Variants in MYO5A observed in about 807,000 individuals in gnomAD.
MYO5A encodes myosin VA, also known as unconventional myosin-Va.
Under a neutral mutation model 249.7 loss-of-function variants are expected in MYO5A, and 98 were observed. That is an observed-to-expected ratio of 0.39 (90% CI 0.33 to 0.46). MYO5A has a LOEUF of 0.46. Ranked by LOEUF, MYO5A falls within the 20% of genes least tolerant of loss-of-function variation. MYO5A has a pLI of 0.98. For missense variants in MYO5A, 1,696 were observed against 2,308.8 expected (o/e 0.73, Z 5.44); for synonymous variants, 778 against 810.6 (o/e 0.96, Z 0.68).
At chr15:52,372,464 A>G (rs1052962997) in intron 20 of MYO5A, 101 bp from the exon 21 acceptor site, 1 of 1,474,268 alleles carries the variant, frequency 6.8e-7, no homozygotes. Context: ...CTAGAGGAAA[A>G]GACATAAAAG....
chr15:52,474,802 T>C (rs2076555345), intron 1 of MYO5A, among the ~76,000 whole-genome samples: 1 of 152,254 alleles, frequency 6.6e-6, no homozygotes, highest in African/African-American at 2.4e-5. Context: ...AGTATTTTAT[T>C]GAGGATTTTT....
chr15:52,490,557 T>C (rs775287317), intron 1 of MYO5A, among the ~76,000 whole-genome samples: 1 of 152,210 alleles, frequency 6.6e-6, no homozygotes, highest in Non-Finnish European at 1.5e-5. Flanking sequence ...ATTCCACTTA[T>C]ATAGGGTACC....
chr15:52,362,248 C>A (rs1202586090), intron 24 of MYO5A, among the ~76,000 whole-genome samples: 2 of 152,172 alleles, frequency 1.3e-5, no homozygotes, highest in Non-Finnish European at 2.9e-5. Flanking sequence ...AAGTCCCCTC[C>A]CTAGAGTTTC....
intron 28 of MYO5A, among the ~76,000 whole-genome samples, chr15:52,349,090 T>G (rs561740628): frequency 6.6e-5 from 10 of 152,336 alleles, no homozygotes; most frequent in African/African-American, 2.4e-4. Context: ...TGTTTTGATT[T>G]TTCTGGTTAT....
rs750173276 is a variant in MYO5A, at chr15:52,321,417, G to A, written c.4893C>T (p.Ala1631=). ...AEYRQVLSDL[A]IQIYQQLVRV... ...GCACGAGCTGCTGGTAGATCTGAAT[G>A]GCCAAGTCACTCAGCACCTGCCGAT... Residue 1631 remains alanine (A), a synonymous_variant, in exon 38 of 42, where the codon GCC becomes GCT. Coordinates refer to ENST00000399233, the MANE Select transcript of MYO5A (RefSeq NM_001382347.1). 1.2e-5 allele frequency: 19 copies of A among 1,614,204 alleles called. No individual in the cohort carries two copies. Among genetic ancestry groups the A allele is most frequent in the South Asian group, 8.8e-5 (8 of 91,084 alleles).
chr15:52,423,977 C>A (rs1445965078), intron 4 of MYO5A, among the ~76,000 whole-genome samples: 1 of 152,216 alleles, frequency 6.6e-6, no homozygotes, highest in Non-Finnish European at 1.5e-5. Flanking sequence ...TCATATAATT[C>A]TCTGAGCACT....
At chr15:52,416,096 T>C (rs1275556570) in intron 5 of MYO5A, 49 bp downstream of exon 5, 2 of 1,606,958 alleles carry the variant, frequency 1.2e-6, no homozygotes, top group Non-Finnish European at 1.7e-6. Flanking sequence ...TTTGAGCATG[T>C]TTCTTATCAA....
intron 11 of MYO5A, among the ~76,000 whole-genome samples, chr15:52,393,384 G>GT (rs141856642): frequency 8.5e-4 from 125 of 146,646 alleles, no homozygotes; most frequent in Admixed American, 3.3e-3. Context: ...CATTTGCAGT[G>GT]TTTTTTTTTT....
intron 1 of MYO5A, among the ~76,000 whole-genome samples, chr15:52,472,238 C>T (rs1436402262): frequency 6.6e-6 from 1 of 152,010 alleles, no homozygotes; most frequent in Non-Finnish European, 1.5e-5. Flanking sequence ...GCCACCACGC[C>T]CGGCTAATTT....
At chr15:52,435,644 CAT>C (rs1205543443) in intron 1 of MYO5A, 3 of 455,432 alleles carry the variant, frequency 6.6e-6, no homozygotes, top group South Asian at 1.6e-5. Flanking sequence ...GGTATATTGC[CAT>C]AGTTTCCAAA....
At chr15:52,366,629 C>CAAAAAAAAAAAAAAAAAAAAAAA (rs60631867) in intron 23 of MYO5A, among the ~76,000 whole-genome samples, 1 of 74,554 alleles carries the variant, frequency 1.3e-5, no homozygotes, top group African/African-American at 4.1e-5. Context: ...ATTGATTTAG[C>CAAAAAAAAAAAAAAAAAAAAAAA]AAAAAAAAAA....
At chr15:52,454,873 A>G (rs2076088500) in intron 1 of MYO5A, among the ~76,000 whole-genome samples, 1 of 152,166 alleles carries the variant, frequency 6.6e-6, no homozygotes, top group South Asian at 2.1e-4. Context: ...AAAAAAGTAA[A>G]AAGACTTCAA....
intron 9 of MYO5A, among the ~76,000 whole-genome samples, chr15:52,403,894 A>G (rs901867921): frequency 6.6e-6 from 1 of 152,180 alleles, no homozygotes; most frequent in African/African-American, 2.4e-5. Flanking sequence ...ATTCATAAAG[A>G]AAATCGTAAG....
chr15:52,402,737 C>T (rs1475023200), intron 9 of MYO5A, among the ~76,000 whole-genome samples: 5 of 152,076 alleles, frequency 3.3e-5, no homozygotes, highest in South Asian at 4.2e-4. Flanking sequence ...CCCAGCTACT[C>T]GGGAGGCTGA....
chr15:52,362,642 C>T (rs1235063167), intron 24 of MYO5A, among the ~76,000 whole-genome samples: 1 of 152,124 alleles, frequency 6.6e-6, no homozygotes, highest in Admixed American at 6.6e-5. Flanking sequence ...ATGACTGAGT[C>T]ACAGGCATAC....
chr15:52,470,026 A>T (rs1317060025), intron 1 of MYO5A, among the ~76,000 whole-genome samples: 1 of 152,246 alleles, frequency 6.6e-6, no homozygotes, highest in Non-Finnish European at 1.5e-5. Context: ...CATTCACAAC[A>T]TCTGGACGAT....
chr15:52,418,674 T>C (rs1311980722), intron 4 of MYO5A, among the ~76,000 whole-genome samples: 1 of 150,610 alleles, frequency 6.6e-6, no homozygotes, highest in Non-Finnish European at 1.5e-5. Flanking sequence ...AGTTAAATTA[T>C]GTAGAAGCAC....
At chr15:52,397,972 A>G (rs2042562333) in intron 9 of MYO5A, among the ~76,000 whole-genome samples, 1 of 152,228 alleles carries the variant, frequency 6.6e-6, no homozygotes, top group Non-Finnish European at 1.5e-5. Flanking sequence ...AGGAGGAGAC[A>G]GTTGCCTTGA....
intron 1 of MYO5A, chr15:52,437,919 G>T (rs1025987336): frequency 8.0e-6 from 4 of 497,644 alleles, no homozygotes; most frequent in Non-Finnish European, 1.0e-5. Flanking sequence ...CCAAAAGCAA[G>T]ATATTTAAAC....
Sources: allele counts gnomAD v4.1 joint callset (sites outside exome capture counted in the v4.1 genomes callset), GRCh38; gene constraint gnomAD v4.1.1; transcripts MANE v1.5; gene names NCBI Gene and HGNC (gene_info 2026-07-23, HGNC 2026-07-21).